The following GRHL2 variants were observed in gnomAD, a reference collection of about 807,000 sequenced individuals.
The protein encoded by GRHL2 is grainyhead like transcription factor 2.
Under a neutral mutation model 83.8 loss-of-function variants are expected in GRHL2, and 21 were observed. The observed-to-expected ratio is 0.25, with a 90% CI of 0.18 to 0.36. The LOEUF (loss-of-function observed/expected upper bound fraction) is 0.36. Ranked by LOEUF, GRHL2 falls within the 10% of genes least tolerant of loss-of-function variation. GRHL2 has a pLI of 1.00. For synonymous variants in GRHL2, 280 were observed against 278.9 expected (o/e 1.00, Z -0.04); for missense variants, 623 against 781.8 (o/e 0.80, Z 2.42).
chr8:101,537,141 G>A (rs904927904), intron 1 of GRHL2, among the ~76,000 whole-genome samples: 5 of 152,170 alleles, frequency 3.3e-5, no homozygotes, highest in African/African-American at 1.2e-4. Context: ...ATTCCATGAT[G>A]TATATGTACC....
At chr8:101,634,601 G>A (rs1392304747) in intron 11 of GRHL2, among the ~76,000 whole-genome samples, 2 of 152,278 alleles carry the variant, frequency 1.3e-5, no homozygotes, top group Non-Finnish European at 1.5e-5. Flanking sequence ...CTCAGAAACC[G>A]CCGCAGTCCT....
At chr8:101,527,811 T>C (rs572164810) in intron 1 of GRHL2, among the ~76,000 whole-genome samples, 5 of 152,338 alleles carry the variant, frequency 3.3e-5, no homozygotes, top group African/African-American at 9.6e-5. Context: ...ACTTTATTGA[T>C]CTTTTGCTCT....
chr8:101,523,494 G>C (rs1810735653), intron 1 of GRHL2, among the ~76,000 whole-genome samples: 1 of 150,304 alleles, frequency 6.7e-6, no homozygotes, highest in African/African-American at 2.4e-5. Flanking sequence ...TTTTTTTAAG[G>C]GGGGTGGGGT....
chr8:101,634,666 C>T (rs1322942981), intron 11 of GRHL2, among the ~76,000 whole-genome samples: 1 of 152,186 alleles, frequency 6.6e-6, no homozygotes, highest in Non-Finnish European at 1.5e-5. Flanking sequence ...GGGCCAGCAG[C>T]CCTGTGGTTC....
intron 1 of GRHL2, among the ~76,000 whole-genome samples, chr8:101,505,757 T>A (rs1203636226): frequency 6.6e-6 from 1 of 152,186 alleles, no homozygotes; most frequent in East Asian, 1.9e-4. Flanking sequence ...AATTTGCATT[T>A]CGATTTTGTT....
chr8:101,503,004 C>A (rs1432788047), intron 1 of GRHL2, among the ~76,000 whole-genome samples: 1 of 152,164 alleles, frequency 6.6e-6, no homozygotes, highest in Non-Finnish European at 1.5e-5. Flanking sequence ...AGTTTCACTT[C>A]AAGGATAAGG....
chr8:101,656,612 T>C (rs1813790565), intron 14 of GRHL2, among the ~76,000 whole-genome samples: 1 of 152,212 alleles, frequency 6.6e-6, no homozygotes, highest in East Asian at 1.9e-4. Flanking sequence ...CTGTGTGGTG[T>C]TGATCCCATG....
intron 1 of GRHL2, among the ~76,000 whole-genome samples, chr8:101,496,894 TG>T (rs1810117644): frequency 6.6e-6 from 1 of 152,106 alleles, no homozygotes; most frequent in Non-Finnish European, 1.5e-5. Flanking sequence ...GAGCTCTGTG[TG>T]GGTGAATCAG....
At chr8:101,598,961 G>C (rs185375766) in intron 7 of GRHL2, 96 bp from the exon 8 acceptor site, 1 of 836,924 alleles carries the variant, frequency 1.2e-6, no homozygotes, top group Non-Finnish European at 2.0e-6. Context: ...AAAAATAAAC[G>C]AAGTTTAAAT....
In GRHL2 at chr8:101,547,833, A is replaced by G. The variant is rs570514750; in HGVS notation, c.216+4397A>G. On this transcript the variant is annotated intron_variant, in intron 2 of 15. Coordinates refer to ENST00000646743, the MANE Select transcript of GRHL2 (RefSeq NM_024915.4). ...ATATATAGAATCAGTCATAATTTAG[A>G]GACTAAAATTCTAGCCCAGTTCTCT... is the stretch of plus-strand genomic sequence containing the variant. 2.6e-5 allele frequency among the ~76,000 whole-genome samples: 4 copies of G among 152,354 alleles called. No individual in the cohort carries two copies. The East Asian group carries it at 7.7e-4, about 29-fold the overall frequency.
chr8:101,573,240 CAAAAAAA>C (rs76573673), intron 5 of GRHL2, among the ~76,000 whole-genome samples: 1 of 78,838 alleles, frequency 1.3e-5, no homozygotes, highest in Admixed American at 1.4e-4. Context: ...CTTGGTTAGA[CAAAAAAA>C]AAAAAAAAAA....
chr8:101,671,692 G>T (rs954937220), downstream of GRHL2, among the ~76,000 whole-genome samples: 1 of 152,202 alleles, frequency 6.6e-6, no homozygotes, highest in African/African-American at 2.4e-5. Flanking sequence ...GAGAGCAGTG[G>T]TTCTCCCAGC....
intron 8 of GRHL2, among the ~76,000 whole-genome samples, chr8:101,607,402 C>T (rs1277502558): frequency 6.6e-6 from 1 of 152,184 alleles, no homozygotes; most frequent in African/African-American, 2.4e-5. Flanking sequence ...GGTTCATGAC[C>T]TTGCTTATTC....
Position 101,570,411 on chromosome 8 carries a change from T to G in GRHL2, c.734+17T>G. 4.4e-6 allele frequency: 7 copies of G among 1,602,302 alleles called. No individual in the cohort carries two copies. Among genetic ancestry groups the G allele is most frequent in the Non-Finnish European group, 6.0e-6 (7 of 1,169,182 alleles). ...GACATCAAGGTGAGTTACCAGGAGA[T>G]GCATCCTTAGAAACTGATTAACTGA... On this transcript the variant is annotated intron_variant, in intron 5 of 15. Transcript: ENST00000646743.
intron 2 of GRHL2, among the ~76,000 whole-genome samples, chr8:101,552,296 G>A (rs987741050): frequency 6.6e-6 from 1 of 152,160 alleles, no homozygotes; most frequent in Non-Finnish European, 1.5e-5. Context: ...TCATCAGAGG[G>A]GAGGGTAGCT....
intron 13 of GRHL2, among the ~76,000 whole-genome samples, chr8:101,644,889 C>T (rs1176235738): frequency 6.6e-6 from 1 of 151,622 alleles, no homozygotes; most frequent in Non-Finnish European, 1.5e-5. Flanking sequence ...GCTCTGTCAC[C>T]CAGGAGGTAG....
intron 7 of GRHL2, among the ~76,000 whole-genome samples, chr8:101,577,781 A>C (rs1053809196): frequency 1.3e-5 from 2 of 152,234 alleles, no homozygotes; most frequent in Non-Finnish European, 2.9e-5. Flanking sequence ...TGCAATGACC[A>C]TTTCAATTCC....
At chr8:101,509,166 CTTTCTTT>C (rs1810408097) in intron 1 of GRHL2, among the ~76,000 whole-genome samples, 1 of 91,544 alleles carries the variant, frequency 1.1e-5, no homozygotes. Flanking sequence ...TCCTTTCTTT[CTTTCTTT>C]TTCTTTCTTT....
chr8:101,596,422 C>T (rs1184472424), intron 7 of GRHL2, among the ~76,000 whole-genome samples: 1 of 152,128 alleles, frequency 6.6e-6, no homozygotes, highest in Non-Finnish European at 1.5e-5. Context: ...GCTACTTTCA[C>T]TTCTAAGAAT....
Sources: allele counts gnomAD v4.1 joint callset (sites outside exome capture counted in the v4.1 genomes callset), GRCh38; gene constraint gnomAD v4.1.1; transcripts MANE v1.5; gene names NCBI Gene and HGNC (gene_info 2026-07-23, HGNC 2026-07-21).